Variants in SLC22A9 observed in about 807,000 individuals in gnomAD.
SLC22A9 encodes the protein solute carrier family 22 member 9.
In SLC22A9, 64 loss-of-function variants were observed where a neutral mutation model predicts 50.1. The ratio of observed to expected loss-of-function variants is 1.28; its 90% CI spans 1.04 to 1.57. The LOEUF is 1.57. SLC22A9 is among the 40% of genes most tolerant of loss of function. The probability of loss-of-function intolerance (pLI) is 0.00; values close to 1 mark genes in which losing one functional copy is unlikely to be tolerated. For synonymous variants in SLC22A9, 261 were observed against 242.5 expected (o/e 1.08, Z -0.71); for missense variants, 757 against 676.1 (o/e 1.12, Z -1.33).
chr11:63,371,138 G>A lies in SLC22A9; in HGVS notation c.406G>A (p.Asp136Asn). The change falls in exon 2 of 10, where the codon GAT becomes AAT. Residue 136 changes from aspartate to asparagine, a missense_variant. Coordinates refer to ENST00000279178, the MANE Select transcript of SLC22A9 (RefSeq NM_080866.3). Reference protein sequence around the residue: ...SFSSTIVTEWDLVCDSQSLTS... With the variant: ...SFSSTIVTEWNLVCDSQSLTS... ...TGCTGGCTTCCTTCTCTTCCAGTGG[G>A]ATCTGGTATGTGACTCTCAATCACT... is the stretch of plus-strand genomic sequence containing the variant. The A allele has an allele frequency of 6.2e-7, 1 of 1,611,910 alleles. No individual in the cohort carries two copies. Among genetic ancestry groups the A allele is most frequent in the East Asian group, 2.2e-5 (1 of 44,832 alleles).
rs532350906 is a variant in SLC22A9 at position 63,406,655 on chromosome 11, T to C, written c.1232T>C (p.Met411Thr). The C allele has an allele frequency of 8.8e-5, 142 of 1,613,784 alleles. 3 individuals carry two copies. In the South Asian group the frequency reaches 1.4e-3, roughly 16 times the overall value. ...TACATGAACCGTCGAGCAAGCCAGA[T>C]GCTTCTCATGTTCCTACTGGCAATC... ...LKYMNRRASQ[M>T]LLMFLLAICL... Residue 411 changes from methionine (M) to threonine (T), a missense_variant, in exon 7 of 10, where the codon ATG becomes ACG. Physicochemically the swap from Met to Thr is moderately conservative, Grantham distance 81. Transcript: ENST00000279178.
chr11:63,400,709 C>CA (rs1404906077), intron 6 of SLC22A9, among the ~76,000 whole-genome samples: 2 of 151,918 alleles, frequency 1.3e-5, no homozygotes, highest in East Asian at 1.9e-4. Context: ...CGAACACACA[C>CA]AAAAAAGAAA....
At chr11:63,399,934 C>G (rs548215145) in intron 6 of SLC22A9, among the ~76,000 whole-genome samples, 2 of 152,056 alleles carry the variant, frequency 1.3e-5, no homozygotes, top group South Asian at 4.2e-4. Context: ...TCCTAAATGA[C>G]AAATGGGTCA....
intron 6 of SLC22A9, among the ~76,000 whole-genome samples, chr11:63,394,944 TA>T (rs1281828568): frequency 6.6e-6 from 1 of 152,046 alleles, no homozygotes; most frequent in African/African-American, 2.4e-5. Context: ...TTCATTTATT[TA>T]TTTTTTTGTC....
At chr11:63,396,923 G>A (rs2014868910) in intron 6 of SLC22A9, among the ~76,000 whole-genome samples, 1 of 152,120 alleles carries the variant, frequency 6.6e-6, no homozygotes, top group South Asian at 2.1e-4. Context: ...GCTGATGCTT[G>A]TGGATGTTCA....
intron 6 of SLC22A9, among the ~76,000 whole-genome samples, chr11:63,401,720 C>T (rs1161507663): frequency 6.6e-6 from 1 of 152,000 alleles, no homozygotes; most frequent in Non-Finnish European, 1.5e-5. Context: ...TTTGCATTCC[C>T]ACCCGCAGTC....
intron 6 of SLC22A9, among the ~76,000 whole-genome samples, chr11:63,402,320 T>A (rs2014964800): frequency 6.6e-6 from 1 of 152,144 alleles, no homozygotes; most frequent in Non-Finnish European, 1.5e-5. Context: ...GTTTCAAAAT[T>A]TTGCATATTG....
chr11:63,394,209 G>A (rs980859814), intron 6 of SLC22A9, among the ~76,000 whole-genome samples: 6 of 151,684 alleles, frequency 4.0e-5, no homozygotes, highest in Non-Finnish European at 7.4e-5. Context: ...TTTTTTCAAC[G>A]TTCTTAGCTT....
At chr11:63,389,473 C>T (rs56054036) in intron 6 of SLC22A9, among the ~76,000 whole-genome samples, 2,501 of 152,126 alleles carry the variant, frequency 0.016, 70 homozygotes, top group African/African-American at 0.057. Context: ...AGAATGATGG[C>T]TTCCAGCTTC....
intron 2 of SLC22A9, among the ~76,000 whole-genome samples, chr11:63,372,557 TA>T (rs1437804781): frequency 1.3e-5 from 2 of 152,122 alleles, no homozygotes; most frequent in African/African-American, 2.4e-5. Flanking sequence ...GGGAGAAATC[TA>T]ATTTCCTTTA....
Position 63,382,198 on chromosome 11 carries a change from C to T in SLC22A9, c.994C>T (p.Gln332Ter). The part of the protein sequence containing the change: ...STMKKELEAA[Q>*]KKKPSLCEML... ...CATGAAAAAAGAACTGGAGGCAGCA[C>T]AAAAAAAAAAACCTTCTCTGTGTGA... Residue 332 changes from glutamine (Q) to a stop codon, truncating the protein, a stop_gained, in exon 6 of 10, where the codon CAA becomes TAA. Transcript: ENST00000279178. LOFTEE classifies it high-confidence loss of function. The T allele has an allele frequency of 2.4e-6, 3 of 1,243,424 alleles. No individual in the cohort carries two copies. The highest frequency in any genetic ancestry group is 3.3e-6 in the Non-Finnish European group (3 of 907,128). The allele number at this position is 1,243,424 out of a possible 1,614,324, so 77.0% of individuals were successfully genotyped here.
intron 9 of SLC22A9, among the ~76,000 whole-genome samples, 185 bp downstream of exon 9, chr11:63,409,064 T>C (rs1222005629): frequency 6.6e-6 from 1 of 152,128 alleles, no homozygotes; most frequent in Non-Finnish European, 1.5e-5. Context: ...AGACACCCTC[T>C]GAGGCTCTCC....
At chr11:63,407,793 AGG>A (rs1399048643) in intron 7 of SLC22A9, among the ~76,000 whole-genome samples, 2 of 152,206 alleles carry the variant, frequency 1.3e-5, no homozygotes, top group African/African-American at 4.8e-5. Flanking sequence ...AGGTAGGCAG[AGG>A]AGTCCCTGGA....
intron 2 of SLC22A9, among the ~76,000 whole-genome samples, chr11:63,373,295 T>A (rs1179612658): frequency 6.6e-6 from 1 of 152,062 alleles, no homozygotes; most frequent in East Asian, 1.9e-4. Flanking sequence ...CTCTCTACTA[T>A]GCTAAAGTAC....
At chr11:63,371,814 C>T (rs1354376104) in intron 2 of SLC22A9, among the ~76,000 whole-genome samples, 1 of 152,180 alleles carries the variant, frequency 6.6e-6, no homozygotes, top group Admixed American at 6.6e-5. Flanking sequence ...AATACTATCT[C>T]AGTCTGTGGT....
Position 63,406,617 on chromosome 11 carries a change from T to C in SLC22A9, c.1194T>C (p.Pro398=), listed in dbSNP as rs2015043907. 1 of 1,613,870 alleles carries C rather than the reference T, an allele frequency of 6.2e-7. No individual in the cohort carries two copies. Among genetic ancestry groups the C allele is most frequent in the Non-Finnish European group, 8.5e-7 (1 of 1,179,854 alleles). Residue 398 remains proline (P), a synonymous_variant, in exon 7 of 10, where the codon CCT becomes CCC. Transcript: ENST00000279178. ...TCCTCCTGGCCAACTGTGTTGCACC[T>C]TGGGCACTGAAATACATGAACCGTC... ...AVILLANCVA[P]WALKYMNRRA... is the part of the protein sequence containing the mutation.
chr11:63,371,223 G>A lies in SLC22A9; in HGVS notation c.491G>A (p.Gly164Asp), dbSNP rs780639961. The A allele has an allele frequency of 1.2e-6, 2 of 1,612,714 alleles. No homozygotes were observed. The highest frequency in any genetic ancestry group is 1.7e-6 in the Non-Finnish European group (2 of 1,179,088). ...AGMMVGGILGGHLSDRFGRRF... is the reference protein window; with the variant it reads ...AGMMVGGILGDHLSDRFGRRF... ...ATGATGGTGGGAGGCATCCTAGGCG[G>A]TCATTTATCAGACAGGTGAGTGTGT... is the stretch of plus-strand genomic sequence containing the variant. The change falls in exon 2 of 10, where the codon GGT becomes GAT. Residue 164 changes from glycine to aspartate, a missense_variant. By Grantham distance (94) the Gly-to-Asp change is moderately conservative (BLOSUM62 -1). Transcript: ENST00000279178.
intron 1 of SLC22A9, 149 bp from the exon 2 acceptor site, chr11:63,370,986 A>C: frequency 1.8e-6 from 1 of 560,330 alleles, no homozygotes; most frequent in Non-Finnish European, 3.2e-6. Context: ...TGAGACCTGA[A>C]TAACAAAGGT....
chr11:63,401,133 G>T (rs2014945935), intron 6 of SLC22A9, among the ~76,000 whole-genome samples: 1 of 151,916 alleles, frequency 6.6e-6, no homozygotes, highest in Non-Finnish European at 1.5e-5. Context: ...ACTCAATACA[G>T]TAGTGGACGT....
Sources: allele counts gnomAD v4.1 joint callset (sites outside exome capture counted in the v4.1 genomes callset), GRCh38; gene constraint gnomAD v4.1.1; transcripts MANE v1.5; gene names NCBI Gene and HGNC (gene_info 2026-07-23, HGNC 2026-07-21).